Variants in ZNG1B observed in about 807,000 individuals in gnomAD.
ZNG1B encodes zinc-regulated GTPase metalloprotein activator 1B.
At chr2:113,494,191 T>TTGTTC in the ZNG1B span, 5 of 851,010 alleles carry the variant, frequency 5.9e-6, no homozygotes, top group Non-Finnish European at 8.3e-6. Flanking sequence ...ACAACTTTCT[T>TTGTTC]TAGGGTTGCA....
At chr2:113,454,529 A>G in the ZNG1B span, among the ~76,000 whole-genome samples, 11 of 149,718 alleles carry the variant, frequency 7.3e-5, no homozygotes, top group East Asian at 5.9e-4. Flanking sequence ...AGTGCCTTAA[A>G]ATAGTGCTAG....
chr2:113,448,143 A>G, the ZNG1B span, among the ~76,000 whole-genome samples: 4 of 152,052 alleles, frequency 2.6e-5, no homozygotes, highest in Non-Finnish European at 4.4e-5. Context: ...TTCTTAAATA[A>G]GACTTAAAAG....
the ZNG1B span, among the ~76,000 whole-genome samples, chr2:113,492,964 A>G: frequency 6.2e-5 from 6 of 97,170 alleles, 1 homozygote. Flanking sequence ...TTGGGGTTAT[A>G]TTGGCAAAGG....
chr2:113,457,353 C>T, the ZNG1B span: 7 of 342,122 alleles, frequency 2.0e-5, no homozygotes, highest in Non-Finnish European at 3.4e-5. Context: ...AATAGTGTTA[C>T]ATCTGTAACC....
chr2:113,457,047 T>C, the ZNG1B span: 3 of 454,642 alleles, frequency 6.6e-6, no homozygotes, highest in South Asian at 3.1e-5. Context: ...ATCTGAAATA[T>C]TCATTTTTTA....
the ZNG1B span, chr2:113,437,792 T>C: frequency 2.5e-6 from 4 of 1,593,150 alleles, no homozygotes; most frequent in East Asian, 2.2e-5. Context: ...GGGAGTGGCG[T>C]GCTGGGCGTG....
At chr2:113,453,300 T>G in the ZNG1B span, 1 of 1,529,506 alleles carries the variant, frequency 6.5e-7, no homozygotes, top group Admixed American at 2.1e-5. Context: ...CTGGAGTGCA[T>G]GGAGTGCAGT....
chr2:113,454,615 T>C, the ZNG1B span: 1 of 646,086 alleles, frequency 1.5e-6, no homozygotes, highest in African/African-American at 1.8e-5. Flanking sequence ...AAACAGTACA[T>C]TGTTTTATTG....
chr2:113,446,661 A>G, the ZNG1B span, among the ~76,000 whole-genome samples: 33,723 of 137,826 alleles, frequency 0.24, 4,724 homozygotes, highest in East Asian at 0.48. Context: ...CATGAGAATC[A>G]CTTCAAAGCT....
the ZNG1B span, among the ~76,000 whole-genome samples, chr2:113,448,253 G>T: frequency 6.6e-6 from 1 of 151,866 alleles, no homozygotes. Context: ...ACAGCTCTTG[G>T]GTGATCAGGT....
At chr2:113,480,134 A>G in the ZNG1B span, among the ~76,000 whole-genome samples, 1 of 150,912 alleles carries the variant, frequency 6.6e-6, no homozygotes, top group Non-Finnish European at 1.5e-5. Flanking sequence ...TCTTTTTTTT[A>G]TATTTATTTA....
chr2:113,487,119 A>C, the ZNG1B span, among the ~76,000 whole-genome samples: 3 of 152,320 alleles, frequency 2.0e-5, no homozygotes, highest in East Asian at 5.8e-4. Context: ...AGACTGCATA[A>C]GATTACGATG....
chr2:113,494,792 G>A, the ZNG1B span: 1 of 635,078 alleles, frequency 1.6e-6, no homozygotes. Flanking sequence ...TAATCAATAG[G>A]ATATGATACA....
At chr2:113,494,167 CTTGAT>C in the ZNG1B span, 1 of 1,155,676 alleles carries the variant, frequency 8.7e-7, no homozygotes, top group Non-Finnish European at 1.1e-6. Flanking sequence ...CTGCATAAGG[CTTGAT>C]TTATTTGCAC....
At chr2:113,495,918 A>G in the ZNG1B span, 1 of 714,230 alleles carries the variant, frequency 1.4e-6, no homozygotes, top group South Asian at 2.0e-5. Context: ...TTTAACATTC[A>G]TACAGTTATA....
At chr2:113,453,018 T>G in the ZNG1B span, 3 of 1,458,126 alleles carry the variant, frequency 2.1e-6, no homozygotes, top group African/African-American at 4.3e-5. Context: ...TCACTATAAT[T>G]TCCATAAGAA....
the ZNG1B span, among the ~76,000 whole-genome samples, chr2:113,458,351 A>C: frequency 0.22 from 33,206 of 151,952 alleles, 4,073 homozygotes; most frequent in East Asian, 0.53. Flanking sequence ...GTTAAGATGC[A>C]CTTATTTTTT....
the ZNG1B span, among the ~76,000 whole-genome samples, chr2:113,487,931 A>G: frequency 2.0e-5 from 3 of 151,994 alleles, no homozygotes; most frequent in Admixed American, 2.0e-4. Context: ...TTGTATTACT[A>G]GTAACAGTGG....
chr2:113,469,781 A>AAGAT, the ZNG1B span: 426 of 147,264 alleles, frequency 2.9e-3, 6 homozygotes, highest in African/African-American at 0.01. Context: ...GGTCAGTCCT[A>AAGAT]AGATAAAGGA....
Sources: gnomAD v4.1 joint callset for allele counts (sites outside exome capture counted in the v4.1 genomes callset) on GRCh38, gnomAD v4.1.1 for gene constraint, MANE v1.5 for transcripts, NCBI Gene and HGNC (gene_info 2026-07-23, HGNC 2026-07-21) for gene names.